Variants in SYNDIG1 observed in about 807,000 individuals in gnomAD.
The protein encoded by SYNDIG1 is synapse differentiation-inducing gene protein 1.
Under a neutral mutation model 19.4 loss-of-function variants are expected in SYNDIG1, and 9 were observed. The observed-to-expected ratio is 0.46, with a 90% CI of 0.28 to 0.81. The LOEUF (loss-of-function observed/expected upper bound fraction) is 0.81. Among genes scored for constraint, SYNDIG1 ranks in the 30% least tolerant of loss-of-function variants. SYNDIG1 has a pLI of 0.12. For missense variants in SYNDIG1, 311 were observed against 343.3 expected (o/e 0.91, Z 0.74); for synonymous variants, 141 against 145.9 (o/e 0.97, Z 0.24).
chr20:24,548,216 A>C (rs1031938513), intron 2 of SYNDIG1, among the ~76,000 whole-genome samples: 1 of 152,170 alleles, frequency 6.6e-6, no homozygotes, highest in African/African-American at 2.4e-5. Context: ...TCTGAGACAG[A>C]TCTCCTGACT....
chr20:24,599,873 T>C (rs764349315), intron 3 of SYNDIG1, among the ~76,000 whole-genome samples: 3 of 152,096 alleles, frequency 2.0e-5, no homozygotes, highest in Non-Finnish European at 4.4e-5. Flanking sequence ...AGTTACAGGG[T>C]ACAAATGTAC....
intron 1 of SYNDIG1, among the ~76,000 whole-genome samples, chr20:24,486,571 C>T (rs930426528): frequency 1.3e-5 from 2 of 152,198 alleles, no homozygotes; most frequent in Non-Finnish European, 2.9e-5. Context: ...GATTTGCAGG[C>T]ATGCGAGCTC....
chr20:24,572,060 T>C (rs1252488134), intron 2 of SYNDIG1, among the ~76,000 whole-genome samples: 1 of 152,200 alleles, frequency 6.6e-6, no homozygotes, highest in East Asian at 1.9e-4. Context: ...TTACATTACT[T>C]CTCTGCTATA....
At chr20:24,506,439 A>T (rs974019348) in intron 1 of SYNDIG1, among the ~76,000 whole-genome samples, 6 of 152,230 alleles carry the variant, frequency 3.9e-5, no homozygotes, top group African/African-American at 1.4e-4. Flanking sequence ...GAGGGAGAGC[A>T]TGGCCACAGT....
intron 1 of SYNDIG1, among the ~76,000 whole-genome samples, chr20:24,522,982 C>T (rs1455666123): frequency 6.6e-6 from 1 of 152,230 alleles, no homozygotes; most frequent in East Asian, 1.9e-4. Context: ...ACCCACACAC[C>T]TCCTGTTAGG....
At chr20:24,629,220 C>T (rs941935151) in intron 3 of SYNDIG1, among the ~76,000 whole-genome samples, 10 of 152,188 alleles carry the variant, frequency 6.6e-5, no homozygotes, top group Non-Finnish European at 1.3e-4. Context: ...CTGTGACAGA[C>T]GTGGACATGT....
intron 1 of SYNDIG1, among the ~76,000 whole-genome samples, chr20:24,527,464 T>C (rs1226626262): frequency 1.3e-5 from 2 of 152,162 alleles, no homozygotes; most frequent in Non-Finnish European, 2.9e-5. Context: ...TATAAAAATA[T>C]GTAAAGTCCT....
intron 3 of SYNDIG1, among the ~76,000 whole-genome samples, chr20:24,627,724 C>A (rs1422615785): frequency 6.6e-6 from 1 of 152,270 alleles, no homozygotes; most frequent in Non-Finnish European, 1.5e-5. Context: ...TGCTACCAAA[C>A]TAAAAGGGAA....
At position 24,512,108 on chromosome 20, in the gene SYNDIG1, A is replaced by AATAT. The variant is rs56002733; in HGVS notation, c.-78-30869_-78-30866dup. Among the ~76,000 whole-genome samples, 545 of 76,466 alleles carry AATAT rather than the reference A, an allele frequency of 7.1e-3. 8 individuals are homozygous for AATAT. Among genetic ancestry groups the AATAT allele is most frequent in the Non-Finnish European group, 7.8e-3 (346 of 44,124 alleles). The allele number at this position is 76,466 out of a possible 152,430, so 50.2% of individuals were successfully genotyped here. A position where few individuals can be genotyped will look rare whatever the true frequency, so the allele number is the denominator to read the frequency against. ...GCCATGAGGCACCATTGGTCTTTAA[A>AATAT]ATATATATATATATATATATATATA... On this transcript the variant is annotated intron_variant, in intron 1 of 3. Transcript: ENST00000376862.
chr20:24,649,898 A>G (rs1005805511), intron 3 of SYNDIG1, among the ~76,000 whole-genome samples: 18 of 152,246 alleles, frequency 1.2e-4, no homozygotes, highest in African/African-American at 4.3e-4. Context: ...AAAACAGGAA[A>G]ATATTAAAAT....
intron 1 of SYNDIG1, among the ~76,000 whole-genome samples, chr20:24,493,820 G>A (rs554296764): frequency 2.0e-5 from 3 of 152,308 alleles, no homozygotes; most frequent in East Asian, 3.9e-4. Context: ...AGGCATGGCC[G>A]GGTGCTGGAG....
intron 3 of SYNDIG1, among the ~76,000 whole-genome samples, chr20:24,610,888 G>A (rs565636539): frequency 4.6e-5 from 7 of 152,266 alleles, no homozygotes; most frequent in Middle Eastern, 6.8e-3. Context: ...TTGTCAAGAA[G>A]GGCTGGGTCT....
intron 1 of SYNDIG1, among the ~76,000 whole-genome samples, chr20:24,471,473 C>T (rs1041116086): frequency 1.3e-5 from 2 of 151,708 alleles, no homozygotes; most frequent in African/African-American, 4.8e-5. Flanking sequence ...TTAATTCCTC[C>T]CTCCCCTCTC....
In SYNDIG1 at chr20:24,665,136, T is replaced by C. The variant is rs3746327; in HGVS notation, c.619-210T>C. ...AAAGAAGTCTGTCTTCCCTGCGGTG[T>C]GGGGGAGCAGCAGCAGGCCCCAGCC... On this transcript the variant is annotated intron_variant, in intron 3 of 3. Coordinates refer to ENST00000376862, the MANE Select transcript of SYNDIG1 (RefSeq NM_024893.3). 2.0e-5 allele frequency among the ~76,000 whole-genome samples: 3 copies of C among 152,200 alleles called. No homozygotes were observed. In the East Asian group the frequency reaches 5.8e-4, roughly 29 times the overall value.
chr20:24,566,374 A>C (rs2058042237), intron 2 of SYNDIG1, among the ~76,000 whole-genome samples: 1 of 152,240 alleles, frequency 6.6e-6, no homozygotes, highest in South Asian at 2.1e-4. Context: ...AGAAGTTTGA[A>C]ATATCTGAAG....
chr20:24,611,060 G>C (rs1359492042), intron 3 of SYNDIG1, among the ~76,000 whole-genome samples: 2 of 152,276 alleles, frequency 1.3e-5, no homozygotes, highest in African/African-American at 4.8e-5. Flanking sequence ...CGATGCTCAG[G>C]ATATTGCCTC....
intron 3 of SYNDIG1, among the ~76,000 whole-genome samples, chr20:24,640,473 AGAAGGAAGGAAGGAAG>A (rs201004570): frequency 0.063 from 6,309 of 100,514 alleles, 263 homozygotes; most frequent in Admixed American, 0.12. Flanking sequence ...AGGGAGGGAA[AGAAGGAAGGAAGGAAG>A]GAAGGAAGGA....
chr20:24,597,305 G>T (rs2058610727), intron 3 of SYNDIG1, among the ~76,000 whole-genome samples: 1 of 152,214 alleles, frequency 6.6e-6, no homozygotes, highest in African/African-American at 2.4e-5. Flanking sequence ...ATGGCTGCGT[G>T]TACTTTCCCT....
At chr20:24,527,233 C>T (rs2057142182) in intron 1 of SYNDIG1, among the ~76,000 whole-genome samples, 1 of 152,086 alleles carries the variant, frequency 6.6e-6, no homozygotes, top group Non-Finnish European at 1.5e-5. Flanking sequence ...TTTCTCAGAT[C>T]TGTCTTCTGG....
Sources: gnomAD v4.1 joint callset for allele counts (sites outside exome capture counted in the v4.1 genomes callset) on GRCh38, gnomAD v4.1.1 for gene constraint, MANE v1.5 for transcripts, NCBI Gene and HGNC (gene_info 2026-07-23, HGNC 2026-07-21) for gene names.